MET: variants seen among roughly 807,000 people sequenced by gnomAD.
MET encodes the protein hepatocyte growth factor receptor.
In MET, 48 loss-of-function variants were observed where a neutral mutation model predicts 133.1. That is an observed-to-expected ratio of 0.36 (90% confidence interval 0.29 to 0.46). The LOEUF (loss-of-function observed/expected upper bound fraction) is 0.46. MET is among the 20% of genes least tolerant of loss of function. The probability of loss-of-function intolerance (pLI) is 1.00; values close to 1 mark genes in which losing one functional copy is unlikely to be tolerated. For synonymous variants in MET, 628 were observed against 616.5 expected, an observed-to-expected ratio of 1.02 and a Z score of -0.28; for missense variants, 1,442 against 1,695.9, an observed-to-expected ratio of 0.85 and a Z score of 2.63.
At chr7:116,748,160 T>C (rs1158646059) in intron 5 of MET, among the ~76,000 whole-genome samples, 2 of 152,074 alleles carry the variant, frequency 1.3e-5, no homozygotes, top group African/African-American at 4.8e-5. Context: ...AGGAGAATGG[T>C]GTGAACCCAG....
chr7:116,682,318 C>G (rs1584856033), intron 1 of MET, among the ~76,000 whole-genome samples: 1 of 152,180 alleles, frequency 6.6e-6, no homozygotes, highest in African/African-American at 2.4e-5. Context: ...AAGGTTCCTT[C>G]ATAATCCCTA....
chr7:116,741,067 G>GTTTTTTTTTTTTTTTTGT, intron 5 of MET, 42 bp downstream of exon 5: 1 of 1,348,788 alleles, frequency 7.4e-7, no homozygotes, highest in Non-Finnish European at 1.0e-6. Context: ...TTTGTTTGGT[G>GTTTTTTTTTTTTTTTTGT]TTTTTTTTTT....
chr7:116,748,036 G>A (rs1793761671), intron 5 of MET, among the ~76,000 whole-genome samples: 1 of 152,112 alleles, frequency 6.6e-6, no homozygotes. Context: ...ACAAGGTCAG[G>A]AGATCCAGAC....
rs1203410917 is a variant in MET, at chr7:116,699,488, G to A, written c.404G>A (p.Ser135Asn). The change falls in exon 2 of 21, where the codon AGC (serine) becomes AAC (asparagine). Residue 135 changes from serine (S) to asparagine (N), a missense_variant. Physicochemically the swap from Ser to Asn is conservative, Grantham distance 46. Coordinates refer to ENST00000397752, the MANE Select transcript of MET (RefSeq NM_000245.4). ...YYDDQLISCG[S>N]VNRGTCQRHV... is the part of the protein sequence containing the mutation. ...GATGATCAACTCATTAGCTGTGGCA[G>A]CGTCAACAGAGGGACCTGCCAGCGA... 6.2e-7 allele frequency: 1 copy of A among 1,614,024 alleles called. No individual in the cohort carries two copies. Among genetic ancestry groups the A allele is most frequent in the Non-Finnish European group, 8.5e-7 (1 of 1,179,948 alleles).
chr7:116,705,691 A>C lies in MET; in HGVS notation c.1200+5407A>C, dbSNP rs182372249. 5.3e-5 allele frequency among the ~76,000 whole-genome samples: 8 copies of C among 152,252 alleles called. 1 individual carries two copies. In the East Asian group the frequency reaches 1.5e-3, roughly 29 times the overall value. ...TCCTTGAGGTATAAAGATTCAATGTACTTTTTAAAAAATGTAAGTAAAAGG... is the reference window on the plus strand; with the variant it reads ...TCCTTGAGGTATAAAGATTCAATGTCCTTTTTAAAAAATGTAAGTAAAAGG... On this transcript the variant is annotated intron_variant, in intron 2 of 20. Transcript: ENST00000397752.
intron 5 of MET, among the ~76,000 whole-genome samples, chr7:116,752,724 T>A (rs1562918093): frequency 6.6e-6 from 1 of 152,190 alleles, no homozygotes; most frequent in Non-Finnish European, 1.5e-5. Flanking sequence ...GCGTCTTTTC[T>A]CAAATCATCA....
At chr7:116,716,890 C>T (rs1157755668) in intron 2 of MET, among the ~76,000 whole-genome samples, 1 of 152,196 alleles carries the variant, frequency 6.6e-6, no homozygotes, top group Non-Finnish European at 1.5e-5. Flanking sequence ...TGTCTGGCTG[C>T]ACACACAACC....
intron 1 of MET, among the ~76,000 whole-genome samples, chr7:116,696,462 T>G (rs1173150821): frequency 6.6e-6 from 1 of 152,306 alleles, no homozygotes; most frequent in East Asian, 1.9e-4. Context: ...TTCCCTCAAT[T>G]TAACATCTGA....
Position 116,777,390 on chromosome 7 carries a change from G to T in MET, c.3261G>T (p.Gly1087=). 6.2e-7 allele frequency: 1 copy of T among 1,613,514 alleles called. No individual in the cohort carries two copies. The highest frequency in any genetic ancestry group is 1.1e-5 in the South Asian group (1 of 91,072). ...IVHFNEVIGR[G]HFGCVYHGTL... ...AACCAAGTTCTTTCTTTTGCACAGGGCATTTTGGTTGTGTATATCATGGGA... is the reference window on the plus strand; with the variant it reads ...AACCAAGTTCTTTCTTTTGCACAGGTCATTTTGGTTGTGTATATCATGGGA... The change falls in exon 16 of 21, where the codon GGG becomes GGT. Residue 1087 remains glycine (G), a splice_region_variant and synonymous_variant. Coordinates refer to ENST00000397752, the MANE Select transcript of MET (RefSeq NM_000245.4).
At chr7:116,741,789 G>A (rs1418620881) in intron 5 of MET, among the ~76,000 whole-genome samples, 1 of 152,204 alleles carries the variant, frequency 6.6e-6, no homozygotes, top group Non-Finnish European at 1.5e-5. Context: ...TTTATTGAGT[G>A]CATACCATTT....
intron 14 of MET, 26 bp from the exon 15 acceptor site, chr7:116,774,855 T>C: frequency 6.3e-7 from 1 of 1,579,956 alleles, no homozygotes; most frequent in Admixed American, 1.7e-5. Context: ...ACTGTTGTTC[T>C]TTAATAATTT....
intron 2 of MET, chr7:116,724,678 C>T (rs971424003): frequency 1.8e-5 from 9 of 504,710 alleles, no homozygotes; most frequent in African/African-American, 7.9e-5. Flanking sequence ...TCCTTGGAAT[C>T]GGAAAAAAAA....
At chr7:116,793,129 C>T (rs1210829440) in intron 19 of MET, among the ~76,000 whole-genome samples, 1 of 151,890 alleles carries the variant, frequency 6.6e-6, no homozygotes, top group Non-Finnish European at 1.5e-5. Flanking sequence ...TCCCTGAGCA[C>T]AACTCAGAAC....
chr7:116,726,648 G>A (rs776928564), intron 2 of MET, among the ~76,000 whole-genome samples: 1 of 152,160 alleles, frequency 6.6e-6, no homozygotes, highest in Non-Finnish European at 1.5e-5. Context: ...AGAAATGGGA[G>A]GGTCTTGACT....
intron 1 of MET, among the ~76,000 whole-genome samples, chr7:116,676,983 GTTTTGTTTTTTT>G (rs1461948240): frequency 9.5e-6 from 1 of 105,372 alleles, no homozygotes; most frequent in Non-Finnish European, 2.6e-5. Flanking sequence ...CCAGAGTGTT[GTTTTGTTTTTTT>G]TTTTGTTTTT....
chr7:116,680,109 G>A lies in MET; in HGVS notation c.-15+7532G>A, dbSNP rs182358752. 3.3e-5 allele frequency among the ~76,000 whole-genome samples: 5 copies of A among 152,160 alleles called. No individual in the cohort carries two copies. The East Asian group carries it at 9.6e-4, about 29-fold the overall frequency. On this transcript the variant is annotated intron_variant, in intron 1 of 20. Transcript: ENST00000397752. Reference sequence around the variant, plus strand: ...GGCGGGGGGGTAAAAGGAAAATTGTGTTAATAGGGTCTTAAAATAGAGATT... The same window carrying A: ...GGCGGGGGGGTAAAAGGAAAATTGTATTAATAGGGTCTTAAAATAGAGATT...
intron 5 of MET, among the ~76,000 whole-genome samples, chr7:116,747,323 C>G (rs1369783203): frequency 6.6e-6 from 1 of 152,140 alleles, no homozygotes; most frequent in Non-Finnish European, 1.5e-5. Flanking sequence ...TTAAAAGACA[C>G]AGACTGGCAA....
intron 17 of MET, among the ~76,000 whole-genome samples, chr7:116,779,884 G>A (rs991622405): frequency 3.9e-5 from 6 of 151,970 alleles, no homozygotes; most frequent in South Asian, 2.1e-4. Flanking sequence ...TATTACATGT[G>A]TGTCTTGCTT....
At chr7:116,742,878 G>T (rs1052588101) in intron 5 of MET, among the ~76,000 whole-genome samples, 14 of 152,220 alleles carry the variant, frequency 9.2e-5, no homozygotes, top group Non-Finnish European at 2.1e-4. Flanking sequence ...AAGATTTCAT[G>T]CTGCACCAGA....
Sources: allele counts gnomAD v4.1 joint callset (sites outside exome capture counted in the v4.1 genomes callset), GRCh38; gene constraint gnomAD v4.1.1; transcripts MANE v1.5; gene names NCBI Gene and HGNC (gene_info 2026-07-23, HGNC 2026-07-21).